The following ZGPAT variants were observed in gnomAD, a reference collection of about 807,000 sequenced individuals.
ZGPAT encodes zinc finger CCCH-type with G patch domain-containing protein.
Under a neutral mutation model 47.9 loss-of-function variants are expected in ZGPAT, and 39 were observed. The ratio of observed to expected loss-of-function variants is 0.81; its 90% CI spans 0.63 to 1.06. The LOEUF (loss-of-function observed/expected upper bound fraction) is 1.06. Among genes scored for constraint, ZGPAT ranks in the 50% least tolerant of loss-of-function variants. The probability of loss-of-function intolerance (pLI) is 0.00; values close to 1 mark genes in which losing one functional copy is unlikely to be tolerated. For missense variants in ZGPAT, 717 were observed against 681.4 expected (o/e 1.05, Z -0.58); for synonymous variants, 348 against 292.9 (o/e 1.19, Z -1.92).
intron 3 of ZGPAT, 91 bp downstream of exon 3, chr20:63,733,443 G>C: frequency 1.3e-6 from 2 of 1,595,888 alleles, no homozygotes; most frequent in Non-Finnish European, 1.7e-6. Context: ...CCTTTGGGTT[G>C]AGTGTCGGGA....
In ZGPAT at chr20:63,708,591, A is replaced by G; in HGVS notation, c.11A>G (p.Glu4Gly). 6.3e-7 allele frequency: 1 copy of G among 1,599,480 alleles called. No individual in the cohort carries two copies. Among genetic ancestry groups the G allele is most frequent in the Non-Finnish European group, 8.5e-7 (1 of 1,170,602 alleles). ...CCTCCCTCTCTCAGCATGGACGAGG[A>G]GAGCCTGGAGTCGGCCTTGCAGACC... is the stretch of plus-strand genomic sequence containing the variant. MDE[E>G]SLESALQTYR... The change falls in exon 2 of 7, where the codon GAG (glutamate) becomes GGG (glycine). Residue 4 changes from glutamate to glycine, a missense_variant. By Grantham distance (98) the Glu-to-Gly change is moderately conservative. Coordinates refer to ENST00000355969, the MANE Select transcript of ZGPAT (RefSeq NM_181485.3).
intron 2 of ZGPAT, among the ~76,000 whole-genome samples, chr20:63,710,937 C>G (rs957829494): frequency 6.6e-6 from 1 of 152,134 alleles, no homozygotes; most frequent in African/African-American, 2.4e-5. Flanking sequence ...ATTTACCAAG[C>G]CTTCTAGTAG....
intron 2 of ZGPAT, among the ~76,000 whole-genome samples, chr20:63,709,854 T>C (rs2091641981): frequency 1.3e-5 from 2 of 151,912 alleles, no homozygotes; most frequent in African/African-American, 4.8e-5. Context: ...ATTTTTATAT[T>C]ACTATAATTT....
At chr20:63,710,402 T>TTGG (rs1261327963) in intron 2 of ZGPAT, among the ~76,000 whole-genome samples, 1 of 152,058 alleles carries the variant, frequency 6.6e-6, no homozygotes, top group Non-Finnish European at 1.5e-5. Flanking sequence ...TCCACCCACC[T>TTGG]TGGCCTCCCA....
intron 2 of ZGPAT, among the ~76,000 whole-genome samples, chr20:63,717,477 G>A (rs1017708684): frequency 1.3e-5 from 2 of 151,790 alleles, no homozygotes; most frequent in African/African-American, 4.8e-5. Context: ...CTGAGTAGAC[G>A]TTTCCCGGCC....
intron 2 of ZGPAT, among the ~76,000 whole-genome samples, chr20:63,731,900 AG>A (rs1320577683): frequency 6.6e-6 from 1 of 152,212 alleles, no homozygotes; most frequent in African/African-American, 2.4e-5. Flanking sequence ...CAAGTAATCT[AG>A]GGATGATTTA....
At chr20:63,712,248 G>T (rs1017548459) in intron 2 of ZGPAT, among the ~76,000 whole-genome samples, 1 of 152,094 alleles carries the variant, frequency 6.6e-6, no homozygotes, top group African/African-American at 2.4e-5. Flanking sequence ...AGCACCATTT[G>T]TTTAAAAGAC....
At chr20:63,727,689 A>T (rs1269599804) in intron 2 of ZGPAT, among the ~76,000 whole-genome samples, 1 of 151,464 alleles carries the variant, frequency 6.6e-6, no homozygotes, top group East Asian at 1.9e-4. Flanking sequence ...AAAAAAAAAA[A>T]AGGATTCTCT....
chr20:63,710,873 C>A (rs1341794277), intron 2 of ZGPAT, among the ~76,000 whole-genome samples: 1 of 152,196 alleles, frequency 6.6e-6, no homozygotes, highest in African/African-American at 2.4e-5. Flanking sequence ...GTCTCTATTT[C>A]CCTAAGCGCA....
Position 63,735,509 on chromosome 20 carries a change from C to T in ZGPAT, c.1342C>T (p.Arg448Ter), listed in dbSNP as rs769506983. 7 of 1,530,444 alleles carry T rather than the reference C, an allele frequency of 4.6e-6. No homozygotes were observed. The highest frequency in any genetic ancestry group is 2.3e-5 in the East Asian group (1 of 44,158). 94.8% of individuals were successfully genotyped at this position (1,530,444 alleles called of 1,614,324 possible). A position where few individuals can be genotyped will look rare whatever the true frequency, so the allele number is the denominator to read the frequency against. The change falls in exon 6 of 7, where the codon CGA becomes TGA. Residue 448 changes from arginine (R) to a stop codon, truncating the protein, a stop_gained. Transcript: ENST00000355969. LOFTEE classifies it high-confidence loss of function. ...CTTCCAGACTGAGGAGAAGATCGAG[C>T]GAACCCAGCGGGACATCAGGAGCAT... ...RLFQTEEKIERTQRDIRSIQE... is the reference protein window; with the variant it reads ...RLFQTEEKIE
At chr20:63,726,401 A>G (rs1263023537) in intron 2 of ZGPAT, among the ~76,000 whole-genome samples, 1 of 152,004 alleles carries the variant, frequency 6.6e-6, no homozygotes, top group Non-Finnish European at 1.5e-5. Flanking sequence ...GGGTTTCACC[A>G]TGTTGGCCAG....
intron 2 of ZGPAT, among the ~76,000 whole-genome samples, chr20:63,732,030 A>G (rs1043105631): frequency 1.3e-5 from 2 of 152,216 alleles, no homozygotes; most frequent in Non-Finnish European, 2.9e-5. Flanking sequence ...CCAAGAGACT[A>G]CGTGTGTATG....
chr20:63,733,307 C>T lies in ZGPAT; in HGVS notation c.673C>T (p.Leu225=). Residue 225 remains leucine, a synonymous_variant, in exon 3 of 7, where the codon CTG becomes TTG. Transcript: ENST00000355969. ...LSSLQAGSAC[L]AKHQDGLWHA... is the part of the protein sequence containing the mutation. ...CTCCCTGCAGGCCGGCTCTGCGTGT[C>T]TGGCCAAGCACCAGGATGGCCTCTG... 1 of 1,613,418 alleles carries T rather than the reference C, an allele frequency of 6.2e-7. No homozygotes were observed. The highest frequency in any genetic ancestry group is 1.1e-5 in the South Asian group (1 of 91,070).
intron 2 of ZGPAT, among the ~76,000 whole-genome samples, chr20:63,714,937 C>T (rs1030643960): frequency 6.6e-6 from 1 of 152,076 alleles, no homozygotes; most frequent in Admixed American, 6.6e-5. Flanking sequence ...CACTGCACTG[C>T]ACCCAGCTGT....
At chr20:63,718,178 C>T (rs569753246) in intron 2 of ZGPAT, among the ~76,000 whole-genome samples, 1 of 151,904 alleles carries the variant, frequency 6.6e-6, no homozygotes, top group Non-Finnish European at 1.5e-5. Context: ...AGAGCCACCG[C>T]ACCCTGCCAC....
chr20:63,721,213 A>G (rs2091783765), intron 2 of ZGPAT, among the ~76,000 whole-genome samples: 1 of 152,040 alleles, frequency 6.6e-6, no homozygotes, highest in Non-Finnish European at 1.5e-5. Flanking sequence ...TTAACCGGGC[A>G]TGGTGGCACC....
At chr20:63,725,267 A>G (rs1268400620) in intron 2 of ZGPAT, among the ~76,000 whole-genome samples, 3 of 152,252 alleles carry the variant, frequency 2.0e-5, no homozygotes, top group African/African-American at 7.2e-5. Flanking sequence ...TACAGGCGTG[A>G]GCCACCGCGC....
intron 2 of ZGPAT, among the ~76,000 whole-genome samples, chr20:63,717,625 A>C (rs2145654477): frequency 6.6e-6 from 1 of 152,000 alleles, no homozygotes; most frequent in Non-Finnish European, 1.5e-5. Flanking sequence ...CCGTTTGGAG[A>C]GCAGCGATGC....
chr20:63,712,559 A>G (rs2091679943), intron 2 of ZGPAT, among the ~76,000 whole-genome samples: 1 of 152,196 alleles, frequency 6.6e-6, no homozygotes. Context: ...TGGATTGCAT[A>G]GAATGTGTAG....
Sources: gnomAD v4.1 joint callset for allele counts (sites outside exome capture counted in the v4.1 genomes callset) on GRCh38, gnomAD v4.1.1 for gene constraint, MANE v1.5 for transcripts, NCBI Gene and HGNC (gene_info 2026-07-23, HGNC 2026-07-21) for gene names.